WDHD1: variants seen among roughly 807,000 people sequenced by gnomAD.
WDHD1 encodes WD repeat and HMG-box DNA-binding protein 1.
A neutral mutation model predicts 135.4 loss-of-function variants in WDHD1; 111 were observed. That is an observed-to-expected ratio of 0.82 (90% CI 0.70 to 0.96). The LOEUF is 0.96. Among genes scored for constraint, WDHD1 ranks in the 40% least tolerant of loss-of-function variants. The probability of loss-of-function intolerance (pLI) is 0.00; values close to 1 mark genes in which losing one functional copy is unlikely to be tolerated. For missense variants in WDHD1, 1,351 were observed against 1,336.3 expected (o/e 1.01, Z -0.17); for synonymous variants, 434 against 439.0 (o/e 0.99, Z 0.14).
chr14:54,979,864 C>G (rs2041588679), intron 16 of WDHD1, among the ~76,000 whole-genome samples: 2 of 152,154 alleles, frequency 1.3e-5, no homozygotes, highest in African/African-American at 2.4e-5. Context: ...ATTACATATT[C>G]TTATTCTTTC....
chr14:54,994,168 C>T (rs985167791), intron 11 of WDHD1, among the ~76,000 whole-genome samples: 64 of 151,952 alleles, frequency 4.2e-4, no homozygotes, highest in Non-Finnish European at 3.5e-4. Context: ...ACAATAAGCA[C>T]TCTATTTGAA....
chr14:54,948,297 C>T (rs1326482153), intron 24 of WDHD1, among the ~76,000 whole-genome samples: 1 of 152,152 alleles, frequency 6.6e-6, no homozygotes, highest in Admixed American at 6.5e-5. Flanking sequence ...AATTCCCTTT[C>T]CTAGCCAAGC....
At chr14:54,967,475 T>C (rs187917067) in intron 16 of WDHD1, 81 bp from the exon 17 acceptor site, 380 of 897,774 alleles carry the variant, frequency 4.2e-4, no homozygotes, top group Non-Finnish European at 5.8e-4. Context: ...TTTCAAAAGT[T>C]AGTAACTTAG....
rs2040814709 is a variant in WDHD1, at chr14:54,939,883, A to G, written c.*1607T>C. On this transcript the variant is annotated 3_prime_UTR_variant, in exon 26 of 26. Transcript: ENST00000360586. ...CGAAACTGCATTTACTTTTATATCA[A>G]CCTAGTATTATAAAATATATACAAA... 1 of 152,220 alleles carries G rather than the reference A, an allele frequency of 6.6e-6. No individual in the cohort carries two copies. Among genetic ancestry groups the G allele is most frequent in the African/African-American group, 2.4e-5 (1 of 41,454 alleles). 9.4% of individuals were successfully genotyped at this position (152,220 alleles called of 1,614,324 possible).
At chr14:55,013,460 C>T in intron 3 of WDHD1, 25 bp downstream of exon 3, 1 of 1,476,646 alleles carries the variant, frequency 6.8e-7, no homozygotes, top group South Asian at 1.1e-5. Flanking sequence ...CATTTCATAT[C>T]AATTGATATA....
intron 2 of WDHD1, among the ~76,000 whole-genome samples, chr14:55,018,460 A>T (rs993336108): frequency 2.6e-5 from 4 of 152,160 alleles, no homozygotes; most frequent in Admixed American, 2.6e-4. Flanking sequence ...CCTATTTTTA[A>T]TTGTATTAAT....
At chr14:54,944,616 CTTTTTTTTT>C (rs780376690) in intron 24 of WDHD1, 146 bp from the exon 25 acceptor site, 208 of 269,488 alleles carry the variant, frequency 7.7e-4, no homozygotes, top group Non-Finnish European at 2.7e-4. Context: ...ATTCATGTTA[CTTTTTTTTT>C]TTTTTTTTTT....
intron 12 of WDHD1, among the ~76,000 whole-genome samples, chr14:54,990,441 C>G (rs1194271888): frequency 1.3e-5 from 2 of 152,036 alleles, no homozygotes; most frequent in East Asian, 3.9e-4. Flanking sequence ...ACTAAAAATA[C>G]AAAAATTAGC....
chr14:54,959,572 C>T (rs1299473328), intron 21 of WDHD1, among the ~76,000 whole-genome samples: 3 of 151,964 alleles, frequency 2.0e-5, no homozygotes, highest in African/African-American at 7.3e-5. Flanking sequence ...AGACCAGCTT[C>T]GGCAACAAAG....
intron 18 of WDHD1, among the ~76,000 whole-genome samples, chr14:54,965,880 CG>C (rs1278960310): frequency 5.3e-5 from 8 of 151,548 alleles, no homozygotes; most frequent in African/African-American, 1.9e-4. Flanking sequence ...CACTTGAACC[CG>C]GGAAGTGGAG....
At chr14:55,000,731 A>T in intron 9 of WDHD1, 87 bp from the exon 10 acceptor site, 1 of 1,183,252 alleles carries the variant, frequency 8.5e-7, no homozygotes, top group African/African-American at 1.6e-5. Flanking sequence ...TTAGGAAAGA[A>T]TAAATGACTT....
In WDHD1 at chr14:54,991,216, G is replaced by C. The variant is rs767399091; in HGVS notation, c.1338C>G (p.Phe446Leu). ...TAAGTGTAGATCCAAGTCTTACCATGAATCTGTGAGTGAGATGCAACGGTG... is the reference window on the plus strand; with the variant it reads ...TAAGTGTAGATCCAAGTCTTACCATCAATCTGTGAGTGAGATGCAACGGTG... ...GSTPLHLTHR[F>L]MVWNSIGIIR... The change falls in exon 12 of 26, where the codon TTC becomes TTG. Residue 446 changes from phenylalanine (F) to leucine (L), a missense_variant. Transcript: ENST00000360586. The C allele has an allele frequency of 2.0e-6, 3 of 1,494,110 alleles. No homozygotes were observed. The highest frequency in any genetic ancestry group is 3.6e-5 in the Admixed American group (2 of 55,366). The allele number at this position is 1,494,110 out of a possible 1,614,324, so 92.6% of individuals were successfully genotyped here.
At chr14:54,973,638 G>C (rs2041475830) in intron 16 of WDHD1, among the ~76,000 whole-genome samples, 1 of 152,096 alleles carries the variant, frequency 6.6e-6, no homozygotes, top group Non-Finnish European at 1.5e-5. Context: ...TACTTTACTA[G>C]TCATGCAAAA....
rs2041344854 is a variant in WDHD1 at position 54,966,359 on chromosome 14, A to AAG, written c.2310+115_2310+116insCT. 10 of 1,314,446 alleles carry AAG rather than the reference A, an allele frequency of 7.6e-6. No individual in the cohort carries two copies. In the Admixed American group the frequency reaches 3.0e-4, roughly 39 times the overall value. The allele number at this position is 1,314,446 out of a possible 1,614,324, so 81.4% of individuals were successfully genotyped here. A position where few individuals can be genotyped will look rare whatever the true frequency, so the allele number is the denominator to read the frequency against. ...CACAAAAAACAACAACAACAACAAA[A>AAG]AAAAACTTAAGAATCTTAGGTTGTG... On this transcript the variant is annotated intron_variant, in intron 18 of 25. Transcript: ENST00000360586.
chr14:55,008,405 C>T lies in WDHD1; in HGVS notation c.454-39G>A, dbSNP rs542200029. ...CAATACATTTCTCTATAGTCATAGC[C>T]ATAATACTACATGGAAAGTGGTTCA... On this transcript the variant is annotated intron_variant, in intron 5 of 25. Transcript: ENST00000360586. 3.2e-6 allele frequency: 5 copies of T among 1,577,562 alleles called. No homozygotes were observed. The African/African-American group carries it at 4.1e-5, about 13-fold the overall frequency.
chr14:55,025,539 C>A (rs1434497458), intron 2 of WDHD1, among the ~76,000 whole-genome samples: 1 of 152,244 alleles, frequency 6.6e-6, no homozygotes, highest in Non-Finnish European at 1.5e-5. Flanking sequence ...AGTCTTTCTG[C>A]ATCCATGAGT....
chr14:54,980,927 G>A (rs1385716855), intron 16 of WDHD1, among the ~76,000 whole-genome samples: 1 of 151,534 alleles, frequency 6.6e-6, no homozygotes, highest in African/African-American at 2.4e-5. Context: ...TGGCTAACAC[G>A]GTGAAACCCC....
intron 7 of WDHD1, among the ~76,000 whole-genome samples, chr14:55,006,118 C>A (rs2042064778): frequency 6.6e-6 from 1 of 152,120 alleles, no homozygotes; most frequent in Non-Finnish European, 1.5e-5. Flanking sequence ...CCTGCCTCAG[C>A]CTCCCAAAGT....
chr14:54,979,471 T>G (rs1405206778), intron 16 of WDHD1, among the ~76,000 whole-genome samples: 1 of 151,934 alleles, frequency 6.6e-6, no homozygotes, highest in African/African-American at 2.4e-5. Context: ...GTCAAATTTC[T>G]TGATAAGAGT....
Sources: allele counts gnomAD v4.1 joint callset (sites outside exome capture counted in the v4.1 genomes callset), GRCh38; gene constraint gnomAD v4.1.1; transcripts MANE v1.5; gene names NCBI Gene and HGNC (gene_info 2026-07-23, HGNC 2026-07-21).